UTS2: variants seen among roughly 807,000 people sequenced by gnomAD.
UTS2 encodes urotensin-2.
Under a neutral mutation model 12.6 loss-of-function variants are expected in UTS2, and 10 were observed. The ratio of observed to expected loss-of-function variants is 0.80; its 90% confidence interval spans 0.49 to 1.35. The LOEUF (loss-of-function observed/expected upper bound fraction) is 1.35, where lower values mean the gene tolerates loss of function less well. Among genes scored for constraint, UTS2 ranks in the 40% most tolerant of loss-of-function variants. The probability of loss-of-function intolerance (pLI) is 0.00; values close to 1 mark genes in which losing one functional copy is unlikely to be tolerated. For synonymous variants in UTS2, 52 were observed against 50.0 expected, an observed-to-expected ratio of 1.04 and a Z score of -0.17; for missense variants, 142 against 143.2, an observed-to-expected ratio of 0.99 and a Z score of 0.04.
At chr1:7,905,482 G>T in the UTS2 span, among the ~76,000 whole-genome samples, 1 of 148,448 alleles carries the variant, frequency 6.7e-6, no homozygotes, top group Non-Finnish European at 1.5e-5. Flanking sequence ...AGTAATTGCG[G>T]TTTTTGCCAT....
At chr1:7,852,469 A>G (rs1193051627) in intron 1 of UTS2, among the ~76,000 whole-genome samples, 1 of 150,566 alleles carries the variant, frequency 6.6e-6, no homozygotes, top group Non-Finnish European at 1.5e-5. Flanking sequence ...CGTAGAACAC[A>G]TATCAGATGA....
the UTS2 span, among the ~76,000 whole-genome samples, chr1:7,890,399 C>T: frequency 6.6e-6 from 1 of 152,064 alleles, no homozygotes; most frequent in East Asian, 1.9e-4. Flanking sequence ...GAAGCAAATA[C>T]CAGCCCAGGT....
chr1:7,889,703 C>T, the UTS2 span, among the ~76,000 whole-genome samples: 1 of 151,926 alleles, frequency 6.6e-6, no homozygotes, highest in Non-Finnish European at 1.5e-5. Context: ...CACCTGTAGT[C>T]CCAGCTACTC....
the UTS2 span, among the ~76,000 whole-genome samples, chr1:7,893,491 C>CTAAATAAATAAA: frequency 6.7e-6 from 1 of 150,282 alleles, no homozygotes; most frequent in Admixed American, 6.7e-5. Flanking sequence ...GACCCTGTCT[C>CTAAATAAATAAA]TAAATAAATA....
At chr1:7,857,837 G>GC (rs1245359511), upstream of UTS2, among the ~76,000 whole-genome samples, 1 of 131,944 alleles carries the variant, frequency 7.6e-6, no homozygotes, top group Non-Finnish European at 1.6e-5. Flanking sequence ...GCAACAGAGT[G>GC]AGACCCAGTC....
the UTS2 span, among the ~76,000 whole-genome samples, chr1:7,865,709 G>C: frequency 6.6e-6 from 1 of 152,322 alleles, no homozygotes; most frequent in African/African-American, 2.4e-5. Flanking sequence ...GAGGTGAGAA[G>C]ATCACTTGAG....
At chr1:7,900,882 A>T in the UTS2 span, among the ~76,000 whole-genome samples, 1 of 152,184 alleles carries the variant, frequency 6.6e-6, no homozygotes, top group Non-Finnish European at 1.5e-5. Context: ...TACCTAGGAG[A>T]AGATAAACCA....
chr1:7,897,944 C>A, the UTS2 span, among the ~76,000 whole-genome samples: 1 of 152,144 alleles, frequency 6.6e-6, no homozygotes, highest in East Asian at 1.9e-4. Context: ...TTCCTAGGTA[C>A]CTTCTGGTTT....
At chr1:7,857,449 A>G (rs1392163910), upstream of UTS2, among the ~76,000 whole-genome samples, 2 of 145,262 alleles carry the variant, frequency 1.4e-5, no homozygotes, top group Non-Finnish European at 3.0e-5. Flanking sequence ...TAAAAGAACT[A>G]GAATATCAGG....
the UTS2 span, among the ~76,000 whole-genome samples, chr1:7,894,909 C>T: frequency 1.8e-4 from 27 of 151,782 alleles, no homozygotes; most frequent in African/African-American, 6.3e-4. Context: ...CCAGCCTGGG[C>T]GAGAGAGCAA....
the UTS2 span, among the ~76,000 whole-genome samples, chr1:7,866,164 T>C: frequency 6.6e-6 from 1 of 152,102 alleles, no homozygotes; most frequent in Admixed American, 6.5e-5. This position sits in a 1 kb window ranked among gnomAD's most constrained non-coding sequence, Gnocchi z 4.5. Context: ...GGGTGAGCAG[T>C]TGGGGGTTGC....
chr1:7,853,549 G>A, upstream of UTS2: 1 of 1,413,678 alleles, frequency 7.1e-7, no homozygotes, highest in Non-Finnish European at 9.6e-7. Flanking sequence ...TTAAAACAGT[G>A]AAAAGTTAAA....
the UTS2 span, among the ~76,000 whole-genome samples, chr1:7,878,137 G>A: frequency 6.6e-6 from 1 of 152,198 alleles, no homozygotes; most frequent in East Asian, 1.9e-4. Context: ...TGTTCACAGT[G>A]CTGAAAGATA....
the UTS2 span, among the ~76,000 whole-genome samples, chr1:7,865,269 C>T: frequency 7.5e-5 from 3 of 39,828 alleles, no homozygotes; most frequent in East Asian, 1.4e-3. Context: ...TCTGTCTGTC[C>T]GATACCATCT....
chr1:7,890,486 C>G, the UTS2 span, among the ~76,000 whole-genome samples: 1 of 152,128 alleles, frequency 6.6e-6, no homozygotes, highest in South Asian at 2.1e-4. Flanking sequence ...AAATGTAGAT[C>G]ATCTTTGATC....
At chr1:7,882,369 G>A in the UTS2 span, among the ~76,000 whole-genome samples, 1 of 152,064 alleles carries the variant, frequency 6.6e-6, no homozygotes, top group Non-Finnish European at 1.5e-5. Context: ...GAGGAACTGA[G>A]TATCTATATG....
chr1:7,871,962 T>C, the UTS2 span, among the ~76,000 whole-genome samples: 1 of 152,106 alleles, frequency 6.6e-6, no homozygotes, highest in South Asian at 2.1e-4. Context: ...AGTGTTCAAC[T>C]GAAAGGCAGA....
At chr1:7,882,722 A>T in the UTS2 span, among the ~76,000 whole-genome samples, 3 of 152,238 alleles carry the variant, frequency 2.0e-5, no homozygotes, top group African/African-American at 4.8e-5. Context: ...AACAGAAAAC[A>T]ACAACACATC....
chr1:7,853,116 A>G, upstream of UTS2: 1 of 1,456,196 alleles, frequency 6.9e-7, no homozygotes, highest in Non-Finnish European at 9.0e-7. Flanking sequence ...ACCTGACATC[A>G]TCCTCTCCAA....
Sources: gnomAD v4.1 joint callset for allele counts (sites outside exome capture counted in the v4.1 genomes callset) on GRCh38, gnomAD v4.1.1 for gene constraint, Gnocchi (gnomAD v3.1) non-coding constraint, MANE v1.5 for transcripts, NCBI Gene and HGNC (gene_info 2026-07-23, HGNC 2026-07-21) for gene names.